The following ELFN1 variants were observed in gnomAD, a reference collection of about 807,000 sequenced individuals.
ELFN1 encodes the protein protein ELFN1.
Under a neutral mutation model 7.6 loss-of-function variants are expected in ELFN1, and 6 were observed. The ratio of observed to expected loss-of-function variants is 0.79; its 90% CI spans 0.43 to 1.56. The LOEUF (loss-of-function observed/expected upper bound fraction) is 1.56, where lower values mean the gene tolerates loss of function less well. ELFN1 is among the 40% of genes most tolerant of loss of function. The pLI is 0.01. For missense variants in ELFN1, 1,169 were observed against 1,232.2 expected, an observed-to-expected ratio of 0.95 and a Z score of 0.77; for synonymous variants, 657 against 588.1, an observed-to-expected ratio of 1.12 and a Z score of -1.70.
chr7:1,682,840 G>A (rs1227649860), intron 1 of ELFN1, among the ~76,000 whole-genome samples: 1 of 152,038 alleles, frequency 6.6e-6, no homozygotes, highest in Non-Finnish European at 1.5e-5. Context: ...GGAACTGTGG[G>A]GTTTCATAGA....
chr7:1,723,570 A>G (rs925535657), intron 3 of ELFN1, among the ~76,000 whole-genome samples: 3 of 152,324 alleles, frequency 2.0e-5, no homozygotes, highest in East Asian at 1.9e-4. Flanking sequence ...TCTCATGGAC[A>G]TCTGGTGTCT....
intron 3 of ELFN1, among the ~76,000 whole-genome samples, chr7:1,717,569 C>T (rs1779872398): frequency 6.6e-6 from 1 of 152,168 alleles, no homozygotes; most frequent in Non-Finnish European, 1.5e-5. Flanking sequence ...CCAGGCCTGG[C>T]TGGGGATGTG....
chr7:1,671,916 G>A (rs1298840196), intron 1 of ELFN1, among the ~76,000 whole-genome samples: 1 of 152,180 alleles, frequency 6.6e-6, no homozygotes, highest in Non-Finnish European at 1.5e-5. Context: ...CAGCACTTGG[G>A]TCCCTCATTT....
chr7:1,697,582 G>A (rs1315995046), intron 2 of ELFN1, among the ~76,000 whole-genome samples: 3 of 152,170 alleles, frequency 2.0e-5, no homozygotes, highest in African/African-American at 7.2e-5. Flanking sequence ...CACGCACCCA[G>A]GGGTACAATT....
rs1312350553 is a variant in ELFN1 at position 1,747,298 on chromosome 7, G to A, written c.*215G>A. The A allele has an allele frequency of 9.3e-5, 29 of 313,004 alleles. No homozygotes were observed. The East Asian group carries it at 1.3e-3, about 14-fold the overall frequency. The allele number at this position is 313,004 out of a possible 1,614,324, so 19.4% of individuals were successfully genotyped here. A position where few individuals can be genotyped will look rare whatever the true frequency, so the allele number is the denominator to read the frequency against. On this transcript the variant is annotated 3_prime_UTR_variant, in exon 4 of 4. Coordinates refer to ENST00000424383, the MANE Select transcript of ELFN1 (RefSeq NM_001128636.4). ...ATGCGCTTGTCGCCCCGGGTGGCAC[G>A]TGTCCACACACACACACACACACAC... is the stretch of plus-strand genomic sequence containing the variant.
intron 1 of ELFN1, among the ~76,000 whole-genome samples, chr7:1,674,422 G>A (rs1201997319): frequency 6.6e-6 from 1 of 152,170 alleles, no homozygotes; most frequent in East Asian, 1.9e-4. Flanking sequence ...AGGACTCACG[G>A]CTTCCAGGCT....
In ELFN1 at chr7:1,735,902, A is replaced by AGATGAGGG. The variant is rs1481722500; in HGVS notation, c.-293-8399_-293-8392dup. On this transcript the variant is annotated intron_variant, in intron 3 of 3. Coordinates refer to ENST00000424383, the MANE Select transcript of ELFN1 (RefSeq NM_001128636.4). This position sits in a 1 kb window ranked among gnomAD's most constrained non-coding sequence, Gnocchi z 5.9. ...GACACCGTGATGATCTCTGTTTGAC[A>AGATGAGGG]GATGAGGGGACTGAGGCTAAGAGAG... Among the ~76,000 whole-genome samples, 2 of 152,142 alleles carry AGATGAGGG rather than the reference A, an allele frequency of 1.3e-5. No homozygotes were observed. The highest frequency in any genetic ancestry group is 2.9e-5 in the Non-Finnish European group (2 of 68,024).
At chr7:1,682,618 T>G (rs1184372478) in intron 1 of ELFN1, among the ~76,000 whole-genome samples, 4 of 151,566 alleles carry the variant, frequency 2.6e-5, no homozygotes, top group African/African-American at 9.7e-5. Context: ...ATTTTTTTTT[T>G]TTTTTTTTGT....
At chr7:1,691,133 G>A (rs184149309) in intron 2 of ELFN1, among the ~76,000 whole-genome samples, 4 of 152,160 alleles carry the variant, frequency 2.6e-5, no homozygotes, top group African/African-American at 7.2e-5. Flanking sequence ...GTCAGAGAGC[G>A]ACAGAGTTGG....
rs187148648 is a variant in ELFN1, at chr7:1,686,236, C to A, written c.-548-1822C>A. 2.6e-3 allele frequency among the ~76,000 whole-genome samples: 394 copies of A among 151,090 alleles called. 2 individuals carry two copies. The highest frequency in any genetic ancestry group is 4.6e-3 in the Non-Finnish European group (311 of 67,894). ...TTGTTGTTGTTTGTGTAGTAATTGA[C>A]CTGGACTGAAGCTGTGAAATTCATT... On this transcript the variant is annotated intron_variant, in intron 1 of 3. Coordinates refer to ENST00000424383, the MANE Select transcript of ELFN1 (RefSeq NM_001128636.4).
intron 2 of ELFN1, chr7:1,692,570 T>C (rs1215269782): frequency 1.3e-5 from 2 of 152,428 alleles, no homozygotes; most frequent in Non-Finnish European, 2.9e-5. Flanking sequence ...ACCGTGGCAC[T>C]TGAAACATGG....
chr7:1,699,347 C>T (rs575857959), intron 2 of ELFN1, among the ~76,000 whole-genome samples: 1 of 152,262 alleles, frequency 6.6e-6, no homozygotes, highest in Admixed American at 6.5e-5. Flanking sequence ...CCAGCAGTTT[C>T]CAAGTTGCAG....
In ELFN1 at chr7:1,743,033, G is replaced by A. The variant is rs543197120; in HGVS notation, c.-293-1271G>A. On this transcript the variant is annotated intron_variant, in intron 3 of 3. Transcript: ENST00000424383. ...TTCTCTATCCTGCAGGGAAAACACAGGCGGCCGGGAGGTGAGGTCGCACAC... is the reference window on the plus strand; with the variant it reads ...TTCTCTATCCTGCAGGGAAAACACAAGCGGCCGGGAGGTGAGGTCGCACAC... 3.3e-5 allele frequency among the ~76,000 whole-genome samples: 5 copies of A among 152,296 alleles called. No individual in the cohort carries two copies. In the South Asian group the frequency reaches 1.0e-3, roughly 32 times the overall value.
intron 1 of ELFN1, among the ~76,000 whole-genome samples, chr7:1,680,472 G>T (rs935240535): frequency 2.0e-5 from 3 of 152,186 alleles, no homozygotes; most frequent in African/African-American, 4.8e-5. Context: ...GCTGTGCTGC[G>T]CTTGTTTCCC....
intron 1 of ELFN1, among the ~76,000 whole-genome samples, chr7:1,680,133 C>T (rs541953970): frequency 5.3e-5 from 8 of 152,330 alleles, no homozygotes; most frequent in African/African-American, 1.7e-4. Flanking sequence ...GGTCTGGATA[C>T]GAAAGCAAAA....
At chr7:1,693,728 C>T (rs890834560) in intron 2 of ELFN1, 13 of 470,884 alleles carry the variant, frequency 2.8e-5, no homozygotes, top group Admixed American at 7.0e-5. Flanking sequence ...CCCTCCCGCT[C>T]GTCCCCATGG....
chr7:1,705,410 G>A lies in ELFN1; in HGVS notation c.-455-3681G>A, dbSNP rs570886894. On this transcript the variant is annotated intron_variant, in intron 2 of 3. Transcript: ENST00000424383. The surrounding 1 kb of genome is among the most constrained non-coding windows in gnomAD (Gnocchi z 4.3). Reference sequence around the variant, plus strand: ...AACCCTCTCACCCGGACATTTGCAAGTTGATGAGTTGTTCTTCATCCTGGA... The same window carrying A: ...AACCCTCTCACCCGGACATTTGCAAATTGATGAGTTGTTCTTCATCCTGGA... Among the ~76,000 whole-genome samples the A allele has an allele frequency of 3.5e-4, 53 of 152,380 alleles. No homozygotes were observed. The highest frequency in any genetic ancestry group is 3.4e-3 in the Middle Eastern group (1 of 294).
At chr7:1,680,876 G>A (rs559617238) in intron 1 of ELFN1, among the ~76,000 whole-genome samples, 49 of 151,814 alleles carry the variant, frequency 3.2e-4, no homozygotes, top group African/African-American at 1.2e-3. Flanking sequence ...TGAGTAGCTG[G>A]GATTACAGGC....
At chr7:1,676,872 C>G (rs908409318) in intron 1 of ELFN1, among the ~76,000 whole-genome samples, 5 of 152,166 alleles carry the variant, frequency 3.3e-5, no homozygotes, top group Admixed American at 6.5e-5. Context: ...TTCGGGAAGT[C>G]TCTGGGGAGT....
Sources: gnomAD v4.1 joint callset for allele counts (sites outside exome capture counted in the v4.1 genomes callset) on GRCh38, gnomAD v4.1.1 for gene constraint, Gnocchi (gnomAD v3.1) non-coding constraint, MANE v1.5 for transcripts, NCBI Gene and HGNC (gene_info 2026-07-23, HGNC 2026-07-21) for gene names.